GNA14: variants seen among roughly 807,000 people sequenced by gnomAD.
The protein encoded by GNA14 is guanine nucleotide-binding protein subunit alpha-14.
A neutral mutation model predicts 42.0 loss-of-function variants in GNA14; 50 were observed. The ratio of observed to expected loss-of-function variants is 1.19; its 90% confidence interval spans 0.95 to 1.51. The LOEUF is 1.51. Ranked by LOEUF, GNA14 falls within the 40% of genes most tolerant of loss-of-function variation. GNA14 has a pLI of 0.00. For synonymous variants in GNA14, 173 were observed against 163.1 expected (o/e 1.06, Z -0.46); for missense variants, 473 against 446.2 (o/e 1.06, Z -0.54).
At chr9:77,519,963 G>A (rs959363290) in intron 2 of GNA14, among the ~76,000 whole-genome samples, 2 of 152,040 alleles carry the variant, frequency 1.3e-5, no homozygotes, top group African/African-American at 2.4e-5. Context: ...GAGCTGAGAT[G>A]GCGCCACTAT....
chr9:77,641,096 GGGGGGAAGGAAGGAAGGAAGGAA>G (rs1824256104), intron 1 of GNA14, among the ~76,000 whole-genome samples: 1 of 21,406 alleles, frequency 4.7e-5, no homozygotes, highest in Non-Finnish European at 7.0e-5. Context: ...GGAGGGGAGG[GGGGGGAAGGAAGGAAGGAAGGAA>G]GGAAGGAAGG....
At chr9:77,580,586 G>A (rs1823205087) in intron 1 of GNA14, 3 of 500,308 alleles carry the variant, frequency 6.0e-6, no homozygotes, top group South Asian at 5.7e-5. Context: ...GCTTGGGTTT[G>A]CACCAATGAC....
intron 1 of GNA14, among the ~76,000 whole-genome samples, chr9:77,638,136 G>A (rs1175698701): frequency 1.3e-5 from 2 of 152,196 alleles, no homozygotes; most frequent in South Asian, 2.1e-4. Context: ...TTTCAGATTG[G>A]TCAAGTATCA....
intron 2 of GNA14, among the ~76,000 whole-genome samples, chr9:77,463,600 A>C (rs114617989): frequency 0.011 from 1,724 of 152,356 alleles, 51 homozygotes; most frequent in African/African-American, 0.038. Context: ...ACTTTCAGAT[A>C]AGTGTTTTTG....
chr9:77,459,025 G>T (rs1836059200), intron 2 of GNA14, among the ~76,000 whole-genome samples: 1 of 152,076 alleles, frequency 6.6e-6, no homozygotes, highest in Non-Finnish European at 1.5e-5. Flanking sequence ...AAAAGTAAGG[G>T]ACATGCGCAA....
intron 1 of GNA14, among the ~76,000 whole-genome samples, chr9:77,641,100 GGAAGGAAGGAAGGAAGGAAGGAA>G (rs1564073587): frequency 2.7e-3 from 3 of 1,120 alleles, no homozygotes; most frequent in Non-Finnish European, 6.1e-3. Context: ...GGGAGGGGGG[GGAAGGAAGGAAGGAAGGAAGGAA>G]GGAAGGAAGG....
chr9:77,515,925 A>G (rs760916211), intron 2 of GNA14, among the ~76,000 whole-genome samples: 7 of 143,202 alleles, frequency 4.9e-5, no homozygotes, highest in Non-Finnish European at 7.5e-5. Context: ...ATGCCACTGC[A>G]CTCAACCCAG....
intron 1 of GNA14, among the ~76,000 whole-genome samples, chr9:77,641,568 G>A (rs1029020495): frequency 1.3e-5 from 2 of 149,772 alleles, no homozygotes; most frequent in South Asian, 2.1e-4. Context: ...ATGAGAAACC[G>A]TCTGTTAAAA....
intron 1 of GNA14, among the ~76,000 whole-genome samples, chr9:77,556,882 A>C (rs1015051246): frequency 2.0e-5 from 3 of 152,210 alleles, no homozygotes; most frequent in Non-Finnish European, 4.4e-5. Context: ...TTTTGGGGAC[A>C]ACTTCTTTGA....
intron 1 of GNA14, among the ~76,000 whole-genome samples, chr9:77,590,787 C>A (rs1325887352): frequency 3.3e-5 from 5 of 151,694 alleles, no homozygotes; most frequent in Admixed American, 1.3e-4. Flanking sequence ...CACACATGAG[C>A]AAATTTTCAG....
At chr9:77,542,235 T>C (rs1837669494) in intron 1 of GNA14, among the ~76,000 whole-genome samples, 2 of 152,190 alleles carry the variant, frequency 1.3e-5, no homozygotes, top group African/African-American at 4.8e-5. Flanking sequence ...GAGATATATA[T>C]ATATGGCACT....
intron 1 of GNA14, among the ~76,000 whole-genome samples, chr9:77,637,871 A>C (rs1013850434): frequency 4.6e-5 from 7 of 152,158 alleles, no homozygotes; most frequent in Admixed American, 1.3e-4. Flanking sequence ...CATAGGTAAT[A>C]CTTTTCTTTT....
chr9:77,647,562 G>A lies in GNA14; in HGVS notation c.124+108C>T, dbSNP rs2118052276. The A allele has an allele frequency of 3.9e-6, 5 of 1,281,504 alleles. No individual in the cohort carries two copies. The South Asian group carries it at 7.6e-5, about 19-fold the overall frequency. 79.4% of individuals were successfully genotyped at this position (1,281,504 alleles called of 1,614,324 possible). ...CTCCGAGGGGGAGAAGGACGAAGCC[G>A]CCCTGCACCCCGCTGGGCTCCAGGG... is the stretch of plus-strand genomic sequence containing the variant. On this transcript the variant is annotated intron_variant, in intron 1 of 6. Coordinates refer to ENST00000341700, the MANE Select transcript of GNA14 (RefSeq NM_004297.4).
rs140312080 is a variant in GNA14 at position 77,490,839 on chromosome 9, T to G, written c.309+38230A>C. ...CCAGAAAGGGGCTCCCACAGTGCAG[T>G]GGTGGGCTGAAGGGCTCCTCAAGTG... is the stretch of plus-strand genomic sequence containing the variant. On this transcript the variant is annotated intron_variant, in intron 2 of 6. Coordinates refer to ENST00000341700, the MANE Select transcript of GNA14 (RefSeq NM_004297.4). Among the ~76,000 whole-genome samples, 187 of 152,238 alleles carry G rather than the reference T, an allele frequency of 1.2e-3. 3 individuals carry two copies. In the East Asian group the frequency reaches 0.024, roughly 19 times the overall value.
intron 5 of GNA14, among the ~76,000 whole-genome samples, chr9:77,426,076 TG>T (rs1256155281): frequency 1.3e-5 from 2 of 152,156 alleles, no homozygotes; most frequent in African/African-American, 4.8e-5. Context: ...GATTACTAAG[TG>T]GGGAAGTGCC....
intron 2 of GNA14, among the ~76,000 whole-genome samples, chr9:77,520,587 A>AT (rs1380722300): frequency 4.6e-5 from 7 of 151,060 alleles, no homozygotes; most frequent in Non-Finnish European, 7.4e-5. Context: ...TTTATTTGAG[A>AT]TGGAGTCTTG....
chr9:77,467,643 A>C (rs992494716), intron 2 of GNA14, among the ~76,000 whole-genome samples: 1 of 114,854 alleles, frequency 8.7e-6, no homozygotes, highest in African/African-American at 3.9e-5. Flanking sequence ...AGAACTGCGG[A>C]GCTCTCCTTT....
Position 77,575,947 on chromosome 9 carries a change from A to C in GNA14, c.125-46694T>G, listed in dbSNP as rs867265819. 2.8e-4 allele frequency among the ~76,000 whole-genome samples: 42 copies of C among 152,318 alleles called. 2 individuals carry two copies. Among genetic ancestry groups the C allele is most frequent in the African/African-American group, 9.4e-4 (39 of 41,586 alleles). ...CCAGACCAGAGGTGGCATGACCAAAAAGGGGTTTCAGGAGAAGGGGGTAGA... is the reference window on the plus strand; with the variant it reads ...CCAGACCAGAGGTGGCATGACCAAACAGGGGTTTCAGGAGAAGGGGGTAGA... On this transcript the variant is annotated intron_variant, in intron 1 of 6. Transcript: ENST00000341700.
At chr9:77,463,846 G>T (rs887143522) in intron 2 of GNA14, among the ~76,000 whole-genome samples, 2 of 152,142 alleles carry the variant, frequency 1.3e-5, no homozygotes, top group African/African-American at 4.8e-5. Flanking sequence ...GAATCCTGGG[G>T]CTGTCTGGCT....
Sources: allele counts gnomAD v4.1 joint callset (sites outside exome capture counted in the v4.1 genomes callset), GRCh38; gene constraint gnomAD v4.1.1; transcripts MANE v1.5; gene names NCBI Gene and HGNC (gene_info 2026-07-23, HGNC 2026-07-21).